The following WDR3 variants were observed in gnomAD, a reference collection of about 807,000 sequenced individuals.
WDR3 encodes the protein WD repeat domain 3.
Under a neutral mutation model 123.7 loss-of-function variants are expected in WDR3, and 81 were observed. The observed-to-expected ratio is 0.65, with a 90% CI of 0.55 to 0.79. The LOEUF is 0.79. WDR3 is among the 30% of genes least tolerant of loss of function. The pLI, the probability that WDR3 is intolerant of heterozygous loss-of-function variation, is 0.00. For synonymous variants in WDR3, 390 were observed against 388.8 expected (o/e 1.00, Z -0.04); for missense variants, 1,027 against 1,123.2 (o/e 0.91, Z 1.22).
At chr1:117,950,627 CTATACTGCAG>C (rs1355946687) in intron 15 of WDR3, among the ~76,000 whole-genome samples, 197 bp from the exon 16 acceptor site, 1 of 152,148 alleles carries the variant, frequency 6.6e-6, no homozygotes, top group Non-Finnish European at 1.5e-5. Context: ...CTTGCCTCCA[CTATACTGCAG>C]TATTCTTGGC....
At position 117,964,600 on chromosome 1, in the gene WDR3, T is replaced by C. The variant is rs971913804; in HGVS notation, c.*5153T>C. 6.6e-6 allele frequency: 1 copy of C among 152,108 alleles called. No homozygotes were observed. Among genetic ancestry groups the C allele is most frequent in the Non-Finnish European group, 1.5e-5 (1 of 68,020 alleles). The allele number at this position is 152,108 out of a possible 1,614,324, so 9.4% of individuals were successfully genotyped here. On this transcript the variant is annotated 3_prime_UTR_variant, in exon 27 of 27. Transcript: ENST00000349139. ...GAAGGTGAGAGGAAGGGAGAGAGACTTTCCCAGTGAGGACTTTCCTTTCCT... is the reference window on the plus strand; with the variant it reads ...GAAGGTGAGAGGAAGGGAGAGAGACCTTCCCAGTGAGGACTTTCCTTTCCT...
intron 1 of WDR3, among the ~76,000 whole-genome samples, chr1:117,932,404 T>C (rs1650762076): frequency 6.6e-6 from 1 of 152,198 alleles, no homozygotes; most frequent in African/African-American, 2.4e-5. Context: ...ACCTCAGACT[T>C]ATGAAATCAG....
Position 117,942,656 on chromosome 1 carries a change from G to T in WDR3, c.1097+112G>T. 25 of 916,832 alleles carry T rather than the reference G, an allele frequency of 2.7e-5. No individual in the cohort carries two copies. The South Asian group carries it at 3.7e-4, about 14-fold the overall frequency. The allele number at this position is 916,832 out of a possible 1,614,324, so 56.8% of individuals were successfully genotyped here. On this transcript the variant is annotated intron_variant, in intron 10 of 26. Transcript: ENST00000349139. The stretch of plus-strand genomic sequence containing the variant: ...TATGAATTATATATGTGGAGACGGT[G>T]GTCATGAGACATCTGTGTCACACTC...
At chr1:117,953,018 T>C in intron 20 of WDR3, 22 bp downstream of exon 20, 1 of 1,611,062 alleles carries the variant, frequency 6.2e-7, no homozygotes, top group African/African-American at 1.3e-5. Flanking sequence ...TTGGGGACCT[T>C]GAGATTATGC....
At chr1:117,929,955 G>A (rs1396786462) in intron 1 of WDR3, 173 bp downstream of exon 1, 2 of 152,422 alleles carry the variant, frequency 1.3e-5, no homozygotes, top group African/African-American at 2.4e-5. Context: ...AGCAGTACTT[G>A]GAAGCCCCTC....
At chr1:117,957,259 C>A in intron 25 of WDR3, 63 bp downstream of exon 25, 1 of 1,533,540 alleles carries the variant, frequency 6.5e-7, no homozygotes, top group South Asian at 1.3e-5. Context: ...AGTACCTTAA[C>A]TGAAGCTGTC....
In WDR3 at chr1:117,954,069, C is replaced by T; in HGVS notation, c.2331C>T (p.His777=). The change falls in exon 22 of 27, where the codon CAC becomes CAT. Residue 777 remains histidine, a synonymous_variant. Transcript: ENST00000349139. ...AAGAAACTGCAAAAATGAAGGAACA[C>T]AAAGCCATTTGTAAAGCTGCAGGGA... ...YREETAKMKE[H]KAICKAAGKE... is the part of the protein sequence containing the mutation. 1 of 1,611,480 alleles carries T rather than the reference C, an allele frequency of 6.2e-7. No individual in the cohort carries two copies. The highest frequency in any genetic ancestry group is 1.1e-5 in the South Asian group (1 of 90,874).
intron 12 of WDR3, among the ~76,000 whole-genome samples, chr1:117,947,203 A>C (rs1651441438): frequency 6.6e-6 from 1 of 152,210 alleles, no homozygotes; most frequent in Non-Finnish European, 1.5e-5. Context: ...GCCTGCAGCG[A>C]ATAGCTAATC....
rs563947354 is a variant in WDR3, at chr1:117,965,701, A to G, written c.*6254A>G. The G allele has an allele frequency of 2.0e-5, 3 of 152,350 alleles. No individual in the cohort carries two copies. The East Asian group carries it at 5.8e-4, about 29-fold the overall frequency. 9.4% of individuals were successfully genotyped at this position (152,350 alleles called of 1,614,324 possible). A position where few individuals can be genotyped will look rare whatever the true frequency, so the allele number is the denominator to read the frequency against. On this transcript the variant is annotated 3_prime_UTR_variant, in exon 27 of 27. Transcript: ENST00000349139. The stretch of plus-strand genomic sequence containing the variant: ...TGTTCCCCTTTGACATGTCCTGCAC[A>G]ATAACCCTGGATTCATCTTAATAAA...
At chr1:117,944,945 G>A (rs1457759920) in intron 11 of WDR3, among the ~76,000 whole-genome samples, 4 of 151,944 alleles carry the variant, frequency 2.6e-5, no homozygotes, top group African/African-American at 7.3e-5. Flanking sequence ...CACCCATCTC[G>A]GTCTCCCAAA....
At chr1:117,948,032 G>T (rs1027048940) in intron 12 of WDR3, among the ~76,000 whole-genome samples, 1 of 152,156 alleles carries the variant, frequency 6.6e-6, no homozygotes, top group Non-Finnish European at 1.5e-5. Flanking sequence ...TCCGCTTAAA[G>T]GATTGGCTAA....
Position 117,943,804 on chromosome 1 carries a change from C to CAA in WDR3, c.1328+190_1328+191dup, listed in dbSNP as rs373392504. Among the ~76,000 whole-genome samples the CAA allele has an allele frequency of 3.2e-3, 344 of 108,116 alleles. 1 individual carries two copies. The highest frequency in any genetic ancestry group is 8.5e-3 in the South Asian group (31 of 3,666). 70.9% of individuals were successfully genotyped at this position (108,116 alleles called of 152,430 possible). A position where few individuals can be genotyped will look rare whatever the true frequency, so the allele number is the denominator to read the frequency against. On this transcript the variant is annotated intron_variant, in intron 11 of 26. Coordinates refer to ENST00000349139, the MANE Select transcript of WDR3 (RefSeq NM_006784.3). ...AAAAGTTGCCTTTTAAAATGTGGTG[C>CAA]AAAAAAAAAAAAAGGCAAGCTTATT... is the stretch of plus-strand genomic sequence containing the variant.
Position 117,961,276 on chromosome 1 carries a change from T to G in WDR3, c.*1829T>G, listed in dbSNP as rs1250246679. 1 of 152,118 alleles carries G rather than the reference T, an allele frequency of 6.6e-6. No homozygotes were observed. The highest frequency in any genetic ancestry group is 1.5e-5 in the Non-Finnish European group (1 of 68,036). 9.4% of individuals were successfully genotyped at this position (152,118 alleles called of 1,614,324 possible). ...TCCAGCCTGGGCAACACAGTGAGAC[T>G]CCATCTCCAAAATAATAATAGTAAA... is the stretch of plus-strand genomic sequence containing the variant. On this transcript the variant is annotated 3_prime_UTR_variant, in exon 27 of 27. Transcript: ENST00000349139.
intron 25 of WDR3, 63 bp downstream of exon 25, chr1:117,957,259 C>G: frequency 6.5e-7 from 1 of 1,533,540 alleles, no homozygotes; most frequent in South Asian, 1.3e-5. Flanking sequence ...AGTACCTTAA[C>G]TGAAGCTGTC....
intron 2 of WDR3, 55 bp from the exon 3 acceptor site, chr1:117,934,418 T>G: frequency 6.4e-7 from 1 of 1,560,212 alleles, no homozygotes; most frequent in Admixed American, 1.7e-5. Context: ...CCTATGCTTT[T>G]CCCTTGAGTT....
At position 117,941,205 on chromosome 1, in the gene WDR3, GGCAGGAT is replaced by G; in HGVS notation, c.872_878del (p.Gly291ValfsTer11). On this transcript the variant is annotated frameshift_variant, in exon 8 of 27. Coordinates refer to ENST00000349139, the MANE Select transcript of WDR3 (RefSeq NM_006784.3). LOFTEE classifies it high-confidence loss of function. ...TGTAAACCTTGCAGTCGACAAGACAGGCAGGATTCTTGCTTGCCATGTGAGTACCATA... is the reference window on the plus strand; with the variant it reads ...TGTAAACCTTGCAGTCGACAAGACAGTCTTGCTTGCCATGTGAGTACCATA... 1 of 1,614,082 alleles carries G rather than the reference GGCAGGAT, an allele frequency of 6.2e-7. No individual in the cohort carries two copies. The highest frequency in any genetic ancestry group is 1.3e-5 in the African/African-American group (1 of 75,030).
At chr1:117,929,818 A>G (rs769468772) in intron 1 of WDR3, 36 bp downstream of exon 1, 1 of 152,414 alleles carries the variant, frequency 6.6e-6, no homozygotes, top group Non-Finnish European at 1.5e-5. Flanking sequence ...GGCGGAGAGC[A>G]TTATCTGCGG....
At chr1:117,948,565 T>A in intron 13 of WDR3, 59 bp downstream of exon 13, 2 of 1,287,292 alleles carry the variant, frequency 1.6e-6, no homozygotes, top group Non-Finnish European at 2.1e-6. Flanking sequence ...CTGATTTCTC[T>A]CAGGGTTTCT....
In WDR3 at chr1:117,939,503, A is replaced by G; in HGVS notation, c.606A>G (p.Glu202=). 1 of 1,613,754 alleles carries G rather than the reference A, an allele frequency of 6.2e-7. No homozygotes were observed. The highest frequency in any genetic ancestry group is 8.5e-7 in the Non-Finnish European group (1 of 1,179,680). ...TATGGGGGTTGGTTCTGTTGTCAGA[A>G]GAAAAGCGACTCATCACTGGGGCCT... ...TEVWGLVLLS[E]EKRLITGASD... Residue 202 remains glutamate (E), a synonymous_variant, in exon 6 of 27, where the codon GAA becomes GAG. Transcript: ENST00000349139.
Sources: gnomAD v4.1 joint callset for allele counts (sites outside exome capture counted in the v4.1 genomes callset) on GRCh38, gnomAD v4.1.1 for gene constraint, MANE v1.5 for transcripts, NCBI Gene and HGNC (gene_info 2026-07-23, HGNC 2026-07-21) for gene names.